The following IL1RAPL1 variants were observed in gnomAD, a reference collection of about 807,000 sequenced individuals.
IL1RAPL1 encodes the protein interleukin-1 receptor accessory protein-like 1.
In IL1RAPL1, 3 loss-of-function variants were observed where a neutral mutation model predicts 48.4. The observed-to-expected ratio is 0.06, with a 90% confidence interval of 0.03 to 0.16. The LOEUF is 0.16. Ranked by LOEUF, IL1RAPL1 falls within the 10% of genes least tolerant of loss-of-function variation. IL1RAPL1 has a pLI of 1.00. For missense variants in IL1RAPL1, 349 were observed against 530.6 expected (o/e 0.66, Z 3.36); for synonymous variants, 185 against 187.7 (o/e 0.99, Z 0.12).
chrX:29,276,079 A>G (rs1932114298), intron 2 of IL1RAPL1, among the ~76,000 whole-genome samples: 1 of 112,216 alleles, frequency 8.9e-6, no homozygotes, highest in African/African-American at 3.2e-5. Flanking sequence ...GTGTCCTGCC[A>G]TCTAACAGGC....
intron 6 of IL1RAPL1, among the ~76,000 whole-genome samples, chrX:29,909,615 C>T (rs1233214104): frequency 9.0e-6 from 1 of 111,584 alleles, no homozygotes; most frequent in Admixed American, 9.5e-5. Context: ...ATAAAAATTA[C>T]AAAACACTGC....
chrX:29,955,118 G>A lies in IL1RAPL1; in HGVS notation c.1389G>A (p.Val463=). Residue 463 remains valine, a synonymous_variant, in exon 11 of 11, where the codon GTG becomes GTA. Transcript: ENST00000378993. ...LIPTGTYIED[V]ARCVDQSKRL... is the part of the protein sequence containing the mutation. ...CTTTTGTAGCATACATTGAAGATGT[G>A]GCAAGATGTGTAGATCAAAGCAAGC... 1.7e-6 allele frequency: 2 copies of A among 1,208,922 alleles called. No individual in the cohort carries two copies. The highest frequency in any genetic ancestry group is 2.3e-4 in the Middle Eastern group (1 of 4,347).
At chrX:29,217,743 A>G (rs1382309114) in intron 2 of IL1RAPL1, among the ~76,000 whole-genome samples, 1 of 100,715 alleles carries the variant, frequency 9.9e-6, no homozygotes, top group African/African-American at 3.8e-5. Context: ...CTATATTAAA[A>G]TTTATACATT....
intron 2 of IL1RAPL1, among the ~76,000 whole-genome samples, chrX:29,272,962 G>A (rs1223757965): frequency 9.0e-6 from 1 of 111,679 alleles, no homozygotes; most frequent in Non-Finnish European, 1.9e-5. Flanking sequence ...TTCTTGAAGT[G>A]AATTTTTTCA....
intron 6 of IL1RAPL1, among the ~76,000 whole-genome samples, chrX:29,824,150 G>A (rs1930681025): frequency 9.0e-6 from 1 of 111,643 alleles, no homozygotes; most frequent in Non-Finnish European, 1.9e-5. Context: ...GTTTTGATAA[G>A]CTCCACTAGG....
chrX:29,777,064 C>T (rs1408158028), intron 6 of IL1RAPL1, among the ~76,000 whole-genome samples: 1 of 111,929 alleles, frequency 8.9e-6, no homozygotes, highest in Non-Finnish European at 1.9e-5. Context: ...TTGAATCCTT[C>T]TCTAATTTTG....
Position 29,476,872 on chromosome X carries a change from C to CTTTTTTTTT in IL1RAPL1, c.703+77575_703+77583dup, listed in dbSNP as rs1198120274. 3.8e-3 allele frequency among the ~76,000 whole-genome samples: 205 copies of CTTTTTTTTT among 53,884 alleles called. 60 individuals carry two copies. The highest frequency in any genetic ancestry group is 0.028 in the African/African-American group (203 of 7,312). The allele number at this position is 53,884 out of a possible 115,157, so 46.8% of individuals were successfully genotyped here. ...GACTCATTTACTTTTTACCCATATT[C>CTTTTTTTTT]TTTTTTTTTTTTTTTTTTTGAGACG... On this transcript the variant is annotated intron_variant, in intron 5 of 10. Transcript: ENST00000378993.
intron 5 of IL1RAPL1, among the ~76,000 whole-genome samples, chrX:29,540,169 C>T (rs1921386166): frequency 9.0e-6 from 1 of 110,595 alleles, no homozygotes; most frequent in African/African-American, 3.3e-5. Flanking sequence ...AGGAGGCAAC[C>T]CCATTTTCAA....
intron 6 of IL1RAPL1, among the ~76,000 whole-genome samples, chrX:29,886,001 A>G (rs769749133): frequency 1.8e-5 from 2 of 112,171 alleles, no homozygotes; most frequent in South Asian, 7.5e-4. Flanking sequence ...TTTGCATGAT[A>G]CAAGAAGGAT....
intron 2 of IL1RAPL1, among the ~76,000 whole-genome samples, chrX:28,814,191 C>G (rs915232894): frequency 9.0e-6 from 1 of 110,690 alleles, no homozygotes; most frequent in Non-Finnish European, 1.9e-5. Context: ...GAGCTTTTGC[C>G]TAGTTGAGCT....
At chrX:29,168,684 C>T (rs1347650634) in intron 2 of IL1RAPL1, among the ~76,000 whole-genome samples, 3 of 70,340 alleles carry the variant, frequency 4.3e-5, no homozygotes, top group Non-Finnish European at 5.5e-5. Flanking sequence ...TATATATATT[C>T]ATATGTACAA....
chrX:29,421,184 C>T (rs1934286398), intron 5 of IL1RAPL1, among the ~76,000 whole-genome samples: 1 of 111,548 alleles, frequency 9.0e-6, no homozygotes, highest in Non-Finnish European at 1.9e-5. Flanking sequence ...TGTCACATGA[C>T]CAGGAAAGAT....
intron 1 of IL1RAPL1, among the ~76,000 whole-genome samples, chrX:28,652,238 C>T (rs1333282581): frequency 1.8e-5 from 2 of 111,086 alleles, no homozygotes; most frequent in Non-Finnish European, 3.8e-5. Context: ...TTGTTGCATG[C>T]TCTATTCTCC....
intron 3 of IL1RAPL1, among the ~76,000 whole-genome samples, chrX:29,302,650 C>T (rs1932554786): frequency 9.0e-6 from 1 of 111,556 alleles, no homozygotes; most frequent in Non-Finnish European, 1.9e-5. Flanking sequence ...AAACTTTACA[C>T]AAAAAGGTTC....
intron 1 of IL1RAPL1, among the ~76,000 whole-genome samples, chrX:28,725,490 C>T (rs1471788440): frequency 8.9e-6 from 1 of 111,774 alleles, no homozygotes; most frequent in African/African-American, 3.3e-5. Context: ...TCAGAATACG[C>T]ATAGGTCAAG....
intron 3 of IL1RAPL1, among the ~76,000 whole-genome samples, chrX:29,327,729 A>T: frequency 9.2e-6 from 1 of 108,525 alleles, no homozygotes. Flanking sequence ...TGGTCCCAGT[A>T]TTAACATGGT....
chrX:29,447,362 A>G (rs1934624837), intron 5 of IL1RAPL1, among the ~76,000 whole-genome samples: 1 of 102,228 alleles, frequency 9.8e-6, no homozygotes, highest in Non-Finnish European at 2.0e-5. Flanking sequence ...ATTGCTTTCC[A>G]AAAAAAAAAA....
intron 5 of IL1RAPL1, among the ~76,000 whole-genome samples, chrX:29,521,311 C>G (rs1935500556): frequency 8.9e-6 from 1 of 111,749 alleles, no homozygotes; most frequent in Admixed American, 9.5e-5. Flanking sequence ...CTAATTACTC[C>G]TAGAGTCATT....
intron 5 of IL1RAPL1, among the ~76,000 whole-genome samples, chrX:29,594,921 A>G (rs972710982): frequency 4.5e-5 from 5 of 111,024 alleles, no homozygotes; most frequent in Admixed American, 1.9e-4. Flanking sequence ...ACTCCAATGT[A>G]TCATTCTTAT....
Sources: gnomAD v4.1 joint callset for allele counts (sites outside exome capture counted in the v4.1 genomes callset) on GRCh38, gnomAD v4.1.1 for gene constraint, MANE v1.5 for transcripts, NCBI Gene and HGNC (gene_info 2026-07-23, HGNC 2026-07-21) for gene names.